The following NF1 variants were observed in gnomAD, a reference collection of about 807,000 sequenced individuals.
NF1 encodes neurofibromin 1.
NF1 carries 122 observed loss-of-function variants against 325.7 expected under a neutral mutation model. The observed-to-expected ratio is 0.37, with a 90% CI of 0.32 to 0.44. The LOEUF (loss-of-function observed/expected upper bound fraction) is 0.44, where lower values mean the gene tolerates loss of function less well. NF1 is among the 20% of genes least tolerant of loss of function. The pLI is 1.00. For missense variants in NF1, 2,140 were observed against 3,415.4 expected (o/e 0.63, Z 9.31); for synonymous variants, 1,091 against 1,186.0 (o/e 0.92, Z 1.65).
chr17:31,263,107 G>GTAGA (rs1163819126), intron 35 of NF1, among the ~76,000 whole-genome samples: 2,248 of 59,808 alleles, frequency 0.038, 64 homozygotes, highest in African/African-American at 0.085. Flanking sequence ...AGGTAGGTAG[G>GTAGA]TAGATAGATA....
chr17:31,296,306 G>A (rs1024646479), intron 36 of NF1: 1 of 1,613,982 alleles, frequency 6.2e-7, no homozygotes, highest in South Asian at 1.1e-5. Flanking sequence ...CAGGCAGAGA[G>A]ACATTTTCAA....
chr17:31,208,536 G>A (rs1160328937), intron 12 of NF1, among the ~76,000 whole-genome samples: 3 of 152,108 alleles, frequency 2.0e-5, no homozygotes, highest in East Asian at 3.9e-4. Context: ...AACATACACA[G>A]CACTTCCCCT....
At position 31,280,227 on chromosome 17, in the gene NF1, A is replaced by ATTTT. The variant is rs1567871983; in HGVS notation, c.4835+14888_4835+14889insTTTT. Among the ~76,000 whole-genome samples, 564 of 149,416 alleles carry ATTTT rather than the reference A, an allele frequency of 3.8e-3. 5 individuals carry two copies. Among genetic ancestry groups the ATTTT allele is most frequent in the African/African-American group, 0.014 (538 of 39,382 alleles). Reference sequence around the variant, plus strand: ...TTTTTTTAATTTTTTTTTTTTTTAAAAAAGAAAGAAATGTAAGAACCCACA... The same window carrying ATTTT: ...TTTTTTTAATTTTTTTTTTTTTTAAATTTTAAAGAAAGAAATGTAAGAACCCACA... On this transcript the variant is annotated intron_variant, in intron 36 of 57. Transcript: ENST00000358273.
At position 31,347,883 on chromosome 17, in the gene NF1, C is replaced by CT. The variant is rs879092405; in HGVS notation, c.7190-1236dup. Among the ~76,000 whole-genome samples, 600 of 151,492 alleles carry CT rather than the reference C, an allele frequency of 4.0e-3. 1 individual carries two copies. Among genetic ancestry groups the CT allele is most frequent in the Middle Eastern group, 0.01 (3 of 294 alleles). On this transcript the variant is annotated intron_variant, in intron 48 of 57. Transcript: ENST00000358273. ...GTCCCTTCATGTGAATATTTCTTGG[C>CT]TACCTTAGTGGAAATATAGATCAGT...
chr17:31,104,133 A>C (rs1268653936), intron 1 of NF1, among the ~76,000 whole-genome samples: 1 of 152,188 alleles, frequency 6.6e-6, no homozygotes, highest in African/African-American at 2.4e-5. Context: ...GTCATATAAT[A>C]CAGTAGTAAG....
chr17:31,181,880 T>A, intron 7 of NF1, 95 bp downstream of exon 7: 1 of 911,014 alleles, frequency 1.1e-6, no homozygotes, highest in South Asian at 1.4e-5. Context: ...ATTTTTGTTA[T>A]AAAGGTGCTT....
chr17:31,299,015 A>G (rs919328891), intron 36 of NF1, among the ~76,000 whole-genome samples: 2 of 152,116 alleles, frequency 1.3e-5, no homozygotes, highest in African/African-American at 4.8e-5. Flanking sequence ...GGCTGTATCA[A>G]GTTTAGTTTC....
intron 1 of NF1, among the ~76,000 whole-genome samples, chr17:31,103,729 G>C (rs568813670): frequency 2.8e-4 from 43 of 152,132 alleles, no homozygotes; most frequent in Admixed American, 4.6e-4. Context: ...AAGCTTTTTG[G>C]GGGGCTGAGG....
At chr17:31,368,497 A>G (rs929843843) in intron 57 of NF1, among the ~76,000 whole-genome samples, 2 of 152,248 alleles carry the variant, frequency 1.3e-5, no homozygotes, top group African/African-American at 4.8e-5. Context: ...ATTTCTAAGT[A>G]TATATTTAAT....
intron 14 of NF1, among the ~76,000 whole-genome samples, chr17:31,221,481 C>A (rs2144000939): frequency 6.6e-6 from 1 of 152,192 alleles, no homozygotes; most frequent in East Asian, 1.9e-4. Context: ...TTAATTTTGG[C>A]AAGCCTTCTT....
chr17:31,205,977 C>T (rs929330495), intron 11 of NF1, among the ~76,000 whole-genome samples: 2 of 151,378 alleles, frequency 1.3e-5, no homozygotes, highest in East Asian at 1.9e-4. Context: ...GGCTAATCAT[C>T]GAGAAAAGAT....
rs193087230 is a variant in NF1 at position 31,123,392 on chromosome 17, G to A, written c.60+28023G>A. On this transcript the variant is annotated intron_variant, in intron 1 of 57. Coordinates refer to ENST00000358273, the MANE Select transcript of NF1 (RefSeq NM_001042492.3). ...TCCTTATTTTCCATTTTCATTTTTA[G>A]CATTAGCTGCATTATTTCTTTATAC... 2.6e-4 allele frequency among the ~76,000 whole-genome samples: 39 copies of A among 151,940 alleles called. 1 individual carries two copies. Among genetic ancestry groups the A allele is most frequent in the African/African-American group, 7.7e-4 (32 of 41,402 alleles).
At chr17:31,105,308 C>G (rs535661052) in intron 1 of NF1, among the ~76,000 whole-genome samples, 1 of 152,144 alleles carries the variant, frequency 6.6e-6, no homozygotes, top group Non-Finnish European at 1.5e-5. Flanking sequence ...GCATTATGTT[C>G]TAAAACTTTA....
intron 36 of NF1, among the ~76,000 whole-genome samples, chr17:31,282,884 T>C (rs1014254859): frequency 1.3e-5 from 2 of 152,186 alleles, no homozygotes; most frequent in African/African-American, 4.8e-5. Flanking sequence ...CTACCAGCAG[T>C]GAATGAGAGT....
Position 31,326,052 on chromosome 17 carries a change from A to G in NF1, c.5068A>G (p.Thr1690Ala). The G allele has an allele frequency of 1.2e-6, 2 of 1,614,200 alleles. No homozygotes were observed. The highest frequency in any genetic ancestry group is 1.7e-6 in the Non-Finnish European group (2 of 1,180,030). The change falls in exon 37 of 58, where the codon ACC (threonine) becomes GCC (alanine). Residue 1690 changes from threonine (T) to alanine (A), a missense_variant. This residue lies in a region of NF1 where 147 missense variants were observed against 186.7 expected (regional missense o/e 0.79). Coordinates refer to ENST00000358273, the MANE Select transcript of NF1 (RefSeq NM_001042492.3). Reference protein sequence around the residue: ...YNCNSWVREYTKYHERLLTGL... With the variant: ...YNCNSWVREYAKYHERLLTGL... ...CTGTAACTCCTGGGTCAGGGAGTAC[A>G]CCAAGTATCATGAGCGGCTGCTGAC...
intron 1 of NF1, among the ~76,000 whole-genome samples, chr17:31,152,101 A>C (rs1340281284): frequency 3.9e-5 from 6 of 151,922 alleles, no homozygotes; most frequent in Admixed American, 1.3e-4. Flanking sequence ...TTTTCTTTAA[A>C]TATCTTAAAT....
At chr17:31,101,272 C>A (rs1912310866) in intron 1 of NF1, among the ~76,000 whole-genome samples, 1 of 152,084 alleles carries the variant, frequency 6.6e-6, no homozygotes, top group South Asian at 2.1e-4. Context: ...CTTCCAGTTC[C>A]CAAGACACAA....
intron 13 of NF1, 32 bp downstream of exon 13, chr17:31,214,617 T>G (rs750843669): frequency 1.1e-5 from 17 of 1,608,260 alleles, no homozygotes; most frequent in African/African-American, 1.3e-5. Context: ...GTCTCAAAAT[T>G]ATCACACTAA....
In NF1 at chr17:31,235,929, T is replaced by C. The variant is rs1178356248; in HGVS notation, c.3882T>C (p.Ala1294=). ...GTGCATTTCTGTAGGTATATGGTGC[T>C]ACCTATCTACAAAAACTCCTGGATC... ...IMTFCFKVYG[A]TYLQKLLDPL... is the part of the protein sequence containing the mutation. Residue 1294 remains alanine (A), a synonymous_variant, in exon 29 of 58, where the codon GCT becomes GCC. Transcript: ENST00000358273. 1 of 1,613,790 alleles carries C rather than the reference T, an allele frequency of 6.2e-7. No individual in the cohort carries two copies. The highest frequency in any genetic ancestry group is 1.1e-5 in the South Asian group (1 of 91,076).
Sources: allele counts gnomAD v4.1 joint callset (sites outside exome capture counted in the v4.1 genomes callset), GRCh38; gene constraint gnomAD v4.1.1; regional missense constraint gnomAD v4.1.1; transcripts MANE v1.5; gene names NCBI Gene and HGNC (gene_info 2026-07-23, HGNC 2026-07-21).